Variants in C2CD2L observed in about 807,000 individuals in gnomAD.
C2CD2L encodes the protein C2CD2 like.
A neutral mutation model predicts 69.9 loss-of-function variants in C2CD2L; 24 were observed. The ratio of observed to expected loss-of-function variants is 0.34; its 90% CI spans 0.25 to 0.48. C2CD2L has a LOEUF of 0.48. Ranked by LOEUF, C2CD2L falls within the 20% of genes least tolerant of loss-of-function variation. C2CD2L has a pLI of 0.99. For missense variants in C2CD2L, 811 were observed against 941.5 expected, an observed-to-expected ratio of 0.86 and a Z score of 1.81; for synonymous variants, 367 against 391.0, an observed-to-expected ratio of 0.94 and a Z score of 0.72.
chr11:119,107,609 C>T lies in C2CD2L; in HGVS notation c.-133C>T, dbSNP rs7936924. On this transcript the variant is annotated 5_prime_UTR_variant, in exon 1 of 14. Coordinates refer to ENST00000648610, the MANE Select transcript of C2CD2L (RefSeq NM_001290474.2). The surrounding 1 kb of genome is among the most constrained non-coding windows in gnomAD (Gnocchi z 5.4). ...GCACCCACTAGTCCTGGGCACTCAG[C>T]CGCGGAGAGCCCCCGACCCCGCGCG... 406,300 of 482,376 alleles carry T rather than the reference C, an allele frequency of 0.84. 174,170 individuals carry two copies. Among genetic ancestry groups the T allele is most frequent in the Non-Finnish European group, 0.89 (255,196 of 286,194 alleles). 29.9% of individuals were successfully genotyped at this position (482,376 alleles called of 1,614,324 possible).
upstream of C2CD2L, chr11:119,102,523 G>T (rs1488234315): frequency 1.4e-5 from 5 of 363,812 alleles, no homozygotes; most frequent in East Asian, 3.7e-4. Flanking sequence ...CCCACCTTCT[G>T]CCCCAGCTGT....
At position 119,117,093 on chromosome 11, in the gene C2CD2L, T is replaced by C. The variant is rs972557323; in HGVS notation, c.*837T>C. 7.2e-5 allele frequency: 11 copies of C among 152,676 alleles called. No homozygotes were observed. The highest frequency in any genetic ancestry group is 2.4e-4 in the African/African-American group (10 of 41,450). The allele number at this position is 152,676 out of a possible 1,614,324, so 9.5% of individuals were successfully genotyped here. On this transcript the variant is annotated 3_prime_UTR_variant, in exon 14 of 14. Transcript: ENST00000648610. The stretch of plus-strand genomic sequence containing the variant: ...TGCTGTGTGATGGCTTGGAATTTAA[T>C]TTATTAAAGTCAAATTGGAGTTTAT...
chr11:119,104,159 A>G (rs4938627), upstream of C2CD2L, among the ~76,000 whole-genome samples: 141,120 of 151,978 alleles, frequency 0.93, 65,736 homozygotes, highest in Non-Finnish European at 0.95. Context: ...ACAGTGAGAC[A>G]CCAGAAGCTG....
rs1373805052 is a variant in C2CD2L at position 119,108,003 on chromosome 11, C to A, written c.262C>A (p.Leu88Ile). The A allele has an allele frequency of 6.3e-7, 1 of 1,590,700 alleles. No homozygotes were observed. The highest frequency in any genetic ancestry group is 1.1e-5 in the South Asian group (1 of 89,992). Residue 88 changes from leucine (L) to isoleucine (I), a missense_variant, in exon 1 of 14, where the codon CTC becomes ATC. By Grantham distance (5) the Leu-to-Ile change is conservative (BLOSUM62 2). Transcript: ENST00000648610. ...CGCCGAGGAGCCAGGAGTCCGGGGC[C>A]TCCTGGCGTCACTCTTCGCCTTCAA... ...GAAEEPGVRGLLASLFAFKSF... is the reference protein window; with the variant it reads ...GAAEEPGVRGILASLFAFKSF...
rs1431502402 is a variant in C2CD2L at position 119,110,430 on chromosome 11, G to A, written c.451-131G>A. 3 of 1,099,666 alleles carry A rather than the reference G, an allele frequency of 2.7e-6. No individual in the cohort carries two copies. Among genetic ancestry groups the A allele is most frequent in the Admixed American group, 2.7e-5 (1 of 36,398 alleles). 68.1% of individuals were successfully genotyped at this position (1,099,666 alleles called of 1,614,324 possible). A position where few individuals can be genotyped will look rare whatever the true frequency, so the allele number is the denominator to read the frequency against. Reference sequence around the variant, plus strand: ...TTGGCATTTATCTGATTCTTTTAGGGATTTATGATCCTGAAAACATGAAGT... The same window carrying A: ...TTGGCATTTATCTGATTCTTTTAGGAATTTATGATCCTGAAAACATGAAGT... On this transcript the variant is annotated intron_variant, in intron 2 of 13. Transcript: ENST00000648610. The surrounding 1 kb of genome is among the most constrained non-coding windows in gnomAD (Gnocchi z 5.7).
chr11:119,105,647 GAAAAAAA>G (rs112441104), upstream of C2CD2L, among the ~76,000 whole-genome samples: 1 of 124,040 alleles, frequency 8.1e-6, no homozygotes, highest in Non-Finnish European at 1.7e-5. Flanking sequence ...CAAGAAAAGA[GAAAAAAA>G]AAAAAAAAAA....
intron 13 of C2CD2L, chr11:119,115,205 A>T (rs1181677675): frequency 6.9e-6 from 1 of 145,050 alleles, no homozygotes; most frequent in Admixed American, 7.0e-5. Context: ...CAGTGAGCCC[A>T]GATCATGACA....
upstream of C2CD2L, among the ~76,000 whole-genome samples, chr11:119,103,450 A>C (rs553733095): frequency 2.6e-5 from 4 of 152,314 alleles, no homozygotes; most frequent in East Asian, 7.7e-4. Flanking sequence ...TAATCCCAGC[A>C]CTTTGGTAGG....
At position 119,107,422 on chromosome 11, in the gene C2CD2L, C is replaced by G. The variant is rs7936752; in HGVS notation, c.-320C>G. Reference sequence around the variant, plus strand: ...CCGCGAGCCCCAGCGTCTCTGCAGACCAGTCCCCTCCAGGGTCCGGCGGGG... The same window carrying G: ...CCGCGAGCCCCAGCGTCTCTGCAGAGCAGTCCCCTCCAGGGTCCGGCGGGG... On this transcript the variant is annotated 5_prime_UTR_variant, in exon 1 of 14. Transcript: ENST00000648610. This position sits in a 1 kb window ranked among gnomAD's most constrained non-coding sequence, Gnocchi z 5.4. The G allele has an allele frequency of 0.33, 78,087 of 236,686 alleles. 13,861 individuals carry two copies. The highest frequency in any genetic ancestry group is 0.46 in the East Asian group (5,820 of 12,658). The allele number at this position is 236,686 out of a possible 1,614,324, so 14.7% of individuals were successfully genotyped here. A position where few individuals can be genotyped will look rare whatever the true frequency, so the allele number is the denominator to read the frequency against.
At chr11:119,113,015 C>T in intron 10 of C2CD2L, 141 bp downstream of exon 10, 1 of 690,346 alleles carries the variant, frequency 1.4e-6, no homozygotes, top group Non-Finnish European at 2.4e-6. Flanking sequence ...ACCACATCTT[C>T]CTCCCAATCT....
upstream of C2CD2L, chr11:119,102,493 A>G (rs1197198670): frequency 5.4e-6 from 2 of 368,258 alleles, no homozygotes; most frequent in African/African-American, 4.3e-5. Flanking sequence ...CGATTCTGGT[A>G]TTTTTTTCTC....
chr11:119,113,873 A>G lies in C2CD2L; in HGVS notation c.1508A>G (p.Asn503Ser), dbSNP rs1293241821. ...HSSSRDSHLS[N>S]GLDPVAETAI... ...CTAGCAGGGGACAGCCACCTTTCCA[A>G]CGGCTTGGACCCTGTAGCAGAGACA... Residue 503 changes from asparagine to serine, a missense_variant, in exon 12 of 14, where the codon AAC (asparagine) becomes AGC (serine). Physicochemically the swap from Asn to Ser is conservative, Grantham distance 46 (BLOSUM62 1). Coordinates refer to ENST00000648610, the MANE Select transcript of C2CD2L (RefSeq NM_001290474.2). 1.9e-6 allele frequency: 3 copies of G among 1,613,934 alleles called. No homozygotes were observed. The highest frequency in any genetic ancestry group is 2.2e-5 in the East Asian group (1 of 44,878).
intron 10 of C2CD2L, 120 bp downstream of exon 10, chr11:119,112,994 A>G: frequency 1.3e-6 from 1 of 780,646 alleles, no homozygotes. Flanking sequence ...CAGACATTCC[A>G]TTCCAGTCCT....
rs200781372 is a variant in C2CD2L at position 119,110,654 on chromosome 11, G to A, written c.544G>A (p.Val182Ile). The stretch of plus-strand genomic sequence containing the variant: ...TGCCGTCTCCATGGAGACCTACCAC[G>A]TCACTCTGACACTGCCACCAACACA... ...PAAVSMETYH[V>I]TLTLPPTQLE... Residue 182 changes from valine (V) to isoleucine (I), a missense_variant, in exon 3 of 14, where the codon GTC (valine) becomes ATC (isoleucine). By Grantham distance (29) the Val-to-Ile change is conservative (BLOSUM62 3). Coordinates refer to ENST00000648610, the MANE Select transcript of C2CD2L (RefSeq NM_001290474.2). The surrounding 1 kb of genome is among the most constrained non-coding windows in gnomAD (Gnocchi z 5.7). 5.6e-5 allele frequency: 91 copies of A among 1,613,620 alleles called. No individual in the cohort carries two copies. Among genetic ancestry groups the A allele is most frequent in the Non-Finnish European group, 7.1e-5 (84 of 1,180,004 alleles).
In C2CD2L at chr11:119,111,388, GT is replaced by G. The variant is rs763284839; in HGVS notation, c.910+15del. The stretch of plus-strand genomic sequence containing the variant: ...ATGAGCTGGAAGGTGAGAGCTGGAA[GT>G]GGCTGCGGGACTGCCAAGGCTATGG... On this transcript the variant is annotated intron_variant, in intron 6 of 13. Transcript: ENST00000648610. The G allele has an allele frequency of 6.2e-7, 1 of 1,611,690 alleles. No individual in the cohort carries two copies. The highest frequency in any genetic ancestry group is 8.5e-7 in the Non-Finnish European group (1 of 1,177,740).
upstream of C2CD2L, chr11:119,102,396 G>A (rs1370996821): frequency 1.5e-5 from 7 of 461,798 alleles, no homozygotes; most frequent in South Asian, 1.1e-4. Flanking sequence ...CTCAGTTCCC[G>A]GAAACAAAGC....
chr11:119,107,415 C>T lies in C2CD2L; in HGVS notation c.-327C>T. 4.4e-6 allele frequency: 1 copy of T among 228,958 alleles called. No individual in the cohort carries two copies. The allele number at this position is 228,958 out of a possible 1,614,324, so 14.2% of individuals were successfully genotyped here. ...TGCCGGCCCGCGAGCCCCAGCGTCT[C>T]TGCAGACCAGTCCCCTCCAGGGTCC... On this transcript the variant is annotated 5_prime_UTR_variant, in exon 1 of 14. Coordinates refer to ENST00000648610, the MANE Select transcript of C2CD2L (RefSeq NM_001290474.2). The surrounding 1 kb of genome is among the most constrained non-coding windows in gnomAD (Gnocchi z 5.4).
rs767434596 is a variant in C2CD2L, at chr11:119,114,267, C to A, written c.1811C>A (p.Thr604Asn). The A allele has an allele frequency of 6.2e-7, 1 of 1,614,166 alleles. No individual in the cohort carries two copies. The highest frequency in any genetic ancestry group is 1.1e-5 in the South Asian group (1 of 91,080). Residue 604 changes from threonine (T) to asparagine (N), a missense_variant, in exon 13 of 14, where the codon ACC becomes AAC. By Grantham distance (65) the Thr-to-Asn change is moderately conservative (BLOSUM62 0). Transcript: ENST00000648610. The surrounding 1 kb of genome is among the most constrained non-coding windows in gnomAD (Gnocchi z 5.1). The part of the protein sequence containing the change: ...PTSVQEADET[T>N]RSDISERPSV... The stretch of plus-strand genomic sequence containing the variant: ...AGTGTCCAGGAAGCAGACGAGACAA[C>A]CCGTTCGGATATTTCTGAGAGGCCA...
rs1252922847 is a variant in C2CD2L at position 119,114,624 on chromosome 11, T to A, written c.1909+259T>A. ...CTTTCTTCCTGAGTCTAAGTGCCAT[T>A]TTTCCTGCCCTTTAAAAAAAAATTA... On this transcript the variant is annotated intron_variant, in intron 13 of 13. Coordinates refer to ENST00000648610, the MANE Select transcript of C2CD2L (RefSeq NM_001290474.2). This position sits in a 1 kb window ranked among gnomAD's most constrained non-coding sequence, Gnocchi z 5.1. The A allele has an allele frequency of 2.1e-5, 10 of 477,914 alleles. No individual in the cohort carries two copies. Among genetic ancestry groups the A allele is most frequent in the Non-Finnish European group, 3.6e-6 (1 of 274,692 alleles). 29.6% of individuals were successfully genotyped at this position (477,914 alleles called of 1,614,324 possible). A position where few individuals can be genotyped will look rare whatever the true frequency, so the allele number is the denominator to read the frequency against.
Sources: gnomAD v4.1 joint callset for allele counts (sites outside exome capture counted in the v4.1 genomes callset) on GRCh38, gnomAD v4.1.1 for gene constraint, Gnocchi (gnomAD v3.1) non-coding constraint, MANE v1.5 for transcripts, NCBI Gene and HGNC (gene_info 2026-07-23, HGNC 2026-07-21) for gene names.